CAB39L: variants seen among roughly 807,000 people sequenced by gnomAD.
The protein encoded by CAB39L is calcium binding protein 39 like, also known as calcium-binding protein 39-like.
A neutral mutation model predicts 39.1 loss-of-function variants in CAB39L; 23 were observed. The ratio of observed to expected loss-of-function variants is 0.59; its 90% confidence interval spans 0.42 to 0.83. CAB39L has a LOEUF of 0.83. Ranked by LOEUF, CAB39L falls within the 40% of genes least tolerant of loss-of-function variation. The pLI is 0.00. For missense variants in CAB39L, 366 were observed against 391.9 expected (o/e 0.93, Z 0.56); for synonymous variants, 126 against 137.2 (o/e 0.92, Z 0.57).
intron 4 of CAB39L, among the ~76,000 whole-genome samples, chr13:49,378,274 A>C (rs1410354572): frequency 2.8e-5 from 2 of 71,118 alleles, no homozygotes; most frequent in Admixed American, 1.1e-4. Context: ...GGGGGGGTCA[A>C]CCCCCCGCCC....
intron 3 of CAB39L, among the ~76,000 whole-genome samples, chr13:49,407,540 C>G (rs1238248986): frequency 6.6e-6 from 1 of 151,792 alleles, no homozygotes; most frequent in Admixed American, 6.6e-5. Flanking sequence ...ATGATCCCCC[C>G]CCAAAAAAAT....
chr13:49,333,391 C>T (rs932438119), intron 9 of CAB39L, among the ~76,000 whole-genome samples: 1 of 152,060 alleles, frequency 6.6e-6, no homozygotes, highest in African/African-American at 2.4e-5. Context: ...TTGCCTTTTG[C>T]ACTACTTATG....
intron 3 of CAB39L, among the ~76,000 whole-genome samples, chr13:49,431,134 T>G (rs910063029): frequency 6.6e-6 from 1 of 152,228 alleles, no homozygotes; most frequent in Admixed American, 6.5e-5. Flanking sequence ...TCCTAAATCT[T>G]TCCTGTCCCT....
chr13:49,398,743 C>A (rs1170164127), intron 3 of CAB39L, among the ~76,000 whole-genome samples: 3 of 152,012 alleles, frequency 2.0e-5, no homozygotes, highest in East Asian at 3.8e-4. Flanking sequence ...CTTTCAGGAC[C>A]AGTAAAGTTA....
At chr13:49,427,806 A>G (rs1319362317) in intron 3 of CAB39L, among the ~76,000 whole-genome samples, 1 of 152,232 alleles carries the variant, frequency 6.6e-6, no homozygotes, top group East Asian at 1.9e-4. Flanking sequence ...GAGGTTGGGA[A>G]GCCCAAGATG....
chr13:49,378,765 G>A (rs1956176361), intron 4 of CAB39L, among the ~76,000 whole-genome samples: 1 of 51,456 alleles, frequency 1.9e-5, no homozygotes. Context: ...AGGGAGGTGG[G>A]GGGGGTCAGC....
intron 10 of CAB39L, among the ~76,000 whole-genome samples, chr13:49,325,887 T>G (rs1280386941): frequency 1.3e-5 from 2 of 152,244 alleles, no homozygotes; most frequent in Non-Finnish European, 2.9e-5. Context: ...GTAATTTTGC[T>G]TATTTTCAGT....
rs1180075259 is a variant in CAB39L at position 49,366,532 on chromosome 13, C to T, written c.277-6700G>A. Among the ~76,000 whole-genome samples, 5 of 148,140 alleles carry T rather than the reference C, an allele frequency of 3.4e-5. No individual in the cohort carries two copies. In the Admixed American group the frequency reaches 3.5e-4, roughly 10 times the overall value. Reference sequence around the variant, plus strand: ...ATCCCAGCTACTCAGGAGGCTGAGGCAGGGGAATCGCTTCAACCCAGGAGG... The same window carrying T: ...ATCCCAGCTACTCAGGAGGCTGAGGTAGGGGAATCGCTTCAACCCAGGAGG... On this transcript the variant is annotated intron_variant, in intron 5 of 10. Coordinates refer to ENST00000409308, the MANE Select transcript of CAB39L (RefSeq NM_001079670.3).
At chr13:49,361,561 AAAAGAAAGAAAG>A (rs60755841) in intron 5 of CAB39L, among the ~76,000 whole-genome samples, 41,687 of 121,872 alleles carry the variant, frequency 0.34, 6,061 homozygotes, top group East Asian at 0.52. Context: ...AAAGAGAAAG[AAAAGAAAGAAAG>A]AAAGAAAGAA....
intron 7 of CAB39L, among the ~76,000 whole-genome samples, chr13:49,349,430 G>A (rs1305792621): frequency 2.7e-5 from 4 of 148,318 alleles, no homozygotes; most frequent in Admixed American, 6.7e-5. Context: ...TTGCTAAAAT[G>A]CTTTTGAAGA....
intron 3 of CAB39L, among the ~76,000 whole-genome samples, chr13:49,416,545 CT>C (rs1378894621): frequency 1.3e-5 from 2 of 152,162 alleles, no homozygotes; most frequent in African/African-American, 2.4e-5. Flanking sequence ...GGAGACAGTG[CT>C]TTCTTCCCCT....
intron 5 of CAB39L, among the ~76,000 whole-genome samples, chr13:49,365,314 C>T (rs1955742970): frequency 1.3e-5 from 2 of 152,148 alleles, no homozygotes; most frequent in African/African-American, 2.4e-5. Flanking sequence ...GGATTAAAGA[C>T]TTATATCTAA....
At chr13:49,422,931 G>A (rs1353980207) in intron 3 of CAB39L, among the ~76,000 whole-genome samples, 1 of 152,110 alleles carries the variant, frequency 6.6e-6, no homozygotes, top group East Asian at 1.9e-4. Context: ...TTATGAATGA[G>A]ATGATACTAG....
At chr13:49,388,280 G>A (rs9526552) in intron 3 of CAB39L, among the ~76,000 whole-genome samples, 80,964 of 151,666 alleles carry the variant, frequency 0.53, 22,854 homozygotes, top group African/African-American at 0.7. Flanking sequence ...ATATAACAGC[G>A]TAAACAGAAA....
intron 6 of CAB39L, among the ~76,000 whole-genome samples, chr13:49,355,455 G>A (rs2138485276): frequency 6.6e-6 from 1 of 152,154 alleles, no homozygotes; most frequent in South Asian, 2.1e-4. Flanking sequence ...CAATGTCAAT[G>A]AGCACCCCTA....
intron 6 of CAB39L, among the ~76,000 whole-genome samples, chr13:49,356,616 G>A (rs756652931): frequency 1.8e-4 from 27 of 152,144 alleles, no homozygotes; most frequent in Admixed American, 1.6e-3. Context: ...TATACAGAAT[G>A]TTACTATCAT....
intron 7 of CAB39L, among the ~76,000 whole-genome samples, chr13:49,344,847 A>C (rs116939667): frequency 2.0e-5 from 3 of 152,180 alleles, no homozygotes; most frequent in Non-Finnish European, 4.4e-5. Flanking sequence ...GACATTTAGC[A>C]GTGTCAAACC....
At chr13:49,423,087 G>C (rs746823379) in intron 3 of CAB39L, among the ~76,000 whole-genome samples, 2 of 152,158 alleles carry the variant, frequency 1.3e-5, no homozygotes, top group Non-Finnish European at 2.9e-5. Flanking sequence ...ATAAAAAGAG[G>C]AAGAAACAGC....
At chr13:49,389,787 A>G (rs7318882) in intron 3 of CAB39L, among the ~76,000 whole-genome samples, 83,158 of 152,040 alleles carry the variant, frequency 0.55, 24,121 homozygotes, top group African/African-American at 0.72. Flanking sequence ...TGCAGTTATC[A>G]CCCATCCTTC....
Sources: allele counts gnomAD v4.1 joint callset (sites outside exome capture counted in the v4.1 genomes callset), GRCh38; gene constraint gnomAD v4.1.1; transcripts MANE v1.5; gene names NCBI Gene and HGNC (gene_info 2026-07-23, HGNC 2026-07-21).